The following RFC1 variants were observed in gnomAD, a reference collection of about 807,000 sequenced individuals.
The protein encoded by RFC1 is replication factor C subunit 1.
In RFC1, 37 loss-of-function variants were observed where a neutral mutation model predicts 137.4. That is an observed-to-expected ratio of 0.27 (90% CI 0.21 to 0.35). The LOEUF is 0.35. Ranked by LOEUF, RFC1 falls within the 10% of genes least tolerant of loss-of-function variation. The pLI, the probability that RFC1 is intolerant of heterozygous loss-of-function variation, is 1.00. For missense variants in RFC1, 1,205 were observed against 1,358.5 expected (o/e 0.89, Z 1.78); for synonymous variants, 429 against 455.7 (o/e 0.94, Z 0.75).
rs142324906 is a variant in RFC1 at position 39,305,685 on chromosome 4, C to T, written c.1996-757G>A. Among the ~76,000 whole-genome samples, 908 of 152,222 alleles carry T rather than the reference C, an allele frequency of 6.0e-3. 5 individuals are homozygous for T. The highest frequency in any genetic ancestry group is 9.3e-3 in the Non-Finnish European group (630 of 68,000). ...TATAAAGTTAAATCATTCTTTGTCA[C>T]GACACTATCCCAATAAACTATTTTC... On this transcript the variant is annotated intron_variant, in intron 14 of 24. Coordinates refer to ENST00000349703, the MANE Select transcript of RFC1 (RefSeq NM_002913.5).
intron 4 of RFC1, among the ~76,000 whole-genome samples, chr4:39,328,316 G>A (rs893782206): frequency 6.6e-6 from 1 of 152,172 alleles, no homozygotes; most frequent in African/African-American, 2.4e-5. Context: ...AGATACAGCA[G>A]TGAATAAAAA....
At chr4:39,292,049 A>C in intron 22 of RFC1, 197 bp from the exon 23 acceptor site, 1 of 539,084 alleles carries the variant, frequency 1.9e-6, no homozygotes, top group Non-Finnish European at 3.3e-6. Context: ...GTACACATCA[A>C]TGTGCCCAAA....
At chr4:39,346,892 C>T (rs1420808406) in intron 2 of RFC1, among the ~76,000 whole-genome samples, 1 of 152,144 alleles carries the variant, frequency 6.6e-6, no homozygotes, top group Non-Finnish European at 1.5e-5. Flanking sequence ...TGGAACAACT[C>T]CTATAGCTTA....
chr4:39,332,830 T>C (rs1740166807), intron 4 of RFC1, among the ~76,000 whole-genome samples: 1 of 152,172 alleles, frequency 6.6e-6, no homozygotes, highest in East Asian at 1.9e-4. Flanking sequence ...TAAATTTTTC[T>C]TGAAGGGCCG....
intron 22 of RFC1, chr4:39,292,103 T>C (rs890694003): frequency 2.2e-5 from 10 of 459,074 alleles, no homozygotes; most frequent in Non-Finnish European, 3.9e-5. Context: ...AAAACATACG[T>C]GGATTCTACT....
chr4:39,312,865 C>G lies in RFC1; in HGVS notation c.1270G>C (p.Asp424His). 2 of 1,614,102 alleles carry G rather than the reference C, an allele frequency of 1.2e-6. No individual in the cohort carries two copies. The highest frequency in any genetic ancestry group is 2.7e-5 in the African/African-American group (2 of 75,004). The change falls in exon 11 of 25, where the codon GAT (aspartate) becomes CAT (histidine). Residue 424 changes from aspartate (D) to histidine (H), a missense_variant. By Grantham distance (81) the Asp-to-His change is moderately conservative. Transcript: ENST00000349703. Reference sequence around the variant, plus strand: ...CGTTCAATTAGAGACTTGGCCTCATCTCGTTCAATAGACTCCAGCACGCCT... The same window carrying G: ...CGTTCAATTAGAGACTTGGCCTCATGTCGTTCAATAGACTCCAGCACGCCT... Reference protein sequence around the residue: ...ITGVLESIERDEAKSLIERYG... With the variant: ...ITGVLESIERHEAKSLIERYG...
At chr4:39,358,799 T>C (rs751129954) in intron 1 of RFC1, among the ~76,000 whole-genome samples, 22 of 152,202 alleles carry the variant, frequency 1.4e-4, no homozygotes, top group Non-Finnish European at 2.5e-4. Flanking sequence ...CTAAAGCCTA[T>C]TGGGAACCCC....
intron 3 of RFC1, among the ~76,000 whole-genome samples, chr4:39,343,052 C>T (rs1045621054): frequency 3.9e-5 from 6 of 152,076 alleles, no homozygotes; most frequent in Non-Finnish European, 7.4e-5. Flanking sequence ...TTTTTTGAGA[C>T]GGAGTCTCGC....
In RFC1 at chr4:39,317,042, A is replaced by G. The variant is rs1739274287; in HGVS notation, c.1096-20T>C. 6.7e-7 allele frequency: 1 copy of G among 1,487,690 alleles called. No individual in the cohort carries two copies. Among genetic ancestry groups the G allele is most frequent in the African/African-American group, 1.4e-5 (1 of 72,370 alleles). 92.2% of individuals were successfully genotyped at this position (1,487,690 alleles called of 1,614,324 possible). Reference sequence around the variant, plus strand: ...TACAGACTTTGGGAACAGGGAAAGGAAAATGAACAAAGTCATACAGAATTC... The same window carrying G: ...TACAGACTTTGGGAACAGGGAAAGGGAAATGAACAAAGTCATACAGAATTC... On this transcript the variant is annotated intron_variant, in intron 9 of 24. Transcript: ENST00000349703.
intron 4 of RFC1, among the ~76,000 whole-genome samples, chr4:39,339,793 T>C (rs894702107): frequency 6.6e-6 from 1 of 152,264 alleles, no homozygotes; most frequent in South Asian, 2.1e-4. Flanking sequence ...AAGCGCTCCA[T>C]AGCCACAAAT....
chr4:39,300,202 A>G, intron 20 of RFC1, 58 bp downstream of exon 20: 1 of 1,611,384 alleles, frequency 6.2e-7, no homozygotes, highest in South Asian at 1.1e-5. Context: ...CTTCACGGGT[A>G]TTTAGCCTTC....
chr4:39,347,146 C>T (rs747018734), intron 2 of RFC1, among the ~76,000 whole-genome samples: 1 of 152,246 alleles, frequency 6.6e-6, no homozygotes, highest in African/African-American at 2.4e-5. Context: ...GTGAACCTGA[C>T]TGAACCACAA....
At chr4:39,310,088 T>C (rs1220215312) in intron 12 of RFC1, among the ~76,000 whole-genome samples, 1 of 152,190 alleles carries the variant, frequency 6.6e-6, no homozygotes, top group Non-Finnish European at 1.5e-5. Context: ...TATGATAGGA[T>C]GCACTGAGGA....
chr4:39,326,449 G>C (rs1470803283), intron 6 of RFC1, 114 bp downstream of exon 6: 16 of 686,206 alleles, frequency 2.3e-5, no homozygotes, highest in Middle Eastern at 5.2e-4. Flanking sequence ...TCATTTATTA[G>C]ATTTTAACTT....
chr4:39,294,121 T>A (rs997177260), intron 22 of RFC1, among the ~76,000 whole-genome samples: 1 of 152,170 alleles, frequency 6.6e-6, no homozygotes, highest in Non-Finnish European at 1.5e-5. Context: ...GATAAATTTG[T>A]GTTGTTTTAA....
At position 39,312,405 on chromosome 4, in the gene RFC1, C is replaced by G. The variant is rs1308124079; in HGVS notation, c.1383+347G>C. ...AGGCCGCTGATTCTTTTTCTAAAAACACCAATTTAAAAAAACCTAAGATGG... is the reference window on the plus strand; with the variant it reads ...AGGCCGCTGATTCTTTTTCTAAAAAGACCAATTTAAAAAAACCTAAGATGG... On this transcript the variant is annotated intron_variant, in intron 11 of 24. Transcript: ENST00000349703. Among the ~76,000 whole-genome samples, 3 of 152,030 alleles carry G rather than the reference C, an allele frequency of 2.0e-5. No individual in the cohort carries two copies. The East Asian group carries it at 5.8e-4, about 29-fold the overall frequency.
intron 16 of RFC1, 59 bp downstream of exon 16, chr4:39,303,001 A>T: frequency 6.7e-7 from 1 of 1,494,596 alleles, no homozygotes. Context: ...GAGAATGACA[A>T]TGTTCTAACA....
At chr4:39,352,283 C>T (rs538507478) in intron 1 of RFC1, among the ~76,000 whole-genome samples, 1 of 152,224 alleles carries the variant, frequency 6.6e-6, no homozygotes, top group African/African-American at 2.4e-5. Context: ...AATTGTTTTC[C>T]TTTATATGAT....
At chr4:39,351,817 G>T (rs963594721) in intron 1 of RFC1, among the ~76,000 whole-genome samples, 1 of 151,926 alleles carries the variant, frequency 6.6e-6, no homozygotes, top group African/African-American at 2.4e-5. Context: ...CAAAAAATTA[G>T]CTGGGCATGG....
Sources: gnomAD v4.1 joint callset for allele counts (sites outside exome capture counted in the v4.1 genomes callset) on GRCh38, gnomAD v4.1.1 for gene constraint, MANE v1.5 for transcripts, NCBI Gene and HGNC (gene_info 2026-07-23, HGNC 2026-07-21) for gene names.